The following GSPT1 variants were observed in gnomAD, a reference collection of about 807,000 sequenced individuals.
GSPT1 encodes the protein G1 to S phase transition 1.
Under a neutral mutation model 72.5 loss-of-function variants are expected in GSPT1, and 20 were observed. The observed-to-expected ratio is 0.28, with a 90% CI of 0.19 to 0.40. The LOEUF (loss-of-function observed/expected upper bound fraction) is 0.40. GSPT1 is among the 10% of genes least tolerant of loss of function. GSPT1 has a pLI of 1.00. For missense variants in GSPT1, 580 were observed against 811.9 expected, an observed-to-expected ratio of 0.71 and a Z score of 3.47; for synonymous variants, 334 against 293.5, an observed-to-expected ratio of 1.14 and a Z score of -1.41.
At chr16:11,892,515 A>AC in intron 5 of GSPT1, among the ~76,000 whole-genome samples, 1 of 132,742 alleles carries the variant, frequency 7.5e-6, no homozygotes, top group Non-Finnish European at 1.6e-5. Context: ...TCAAAAAAAC[A>AC]AAAAAAACAA....
chr16:11,908,040 G>A (rs1485120168), intron 1 of GSPT1, among the ~76,000 whole-genome samples: 1 of 151,370 alleles, frequency 6.6e-6, no homozygotes, highest in Non-Finnish European at 1.5e-5. Context: ...TCAGGAGTGC[G>A]AGACCAGCCT....
chr16:11,889,761 C>T (rs2054233696), intron 6 of GSPT1, among the ~76,000 whole-genome samples: 1 of 151,916 alleles, frequency 6.6e-6, no homozygotes, highest in African/African-American at 2.4e-5. Context: ...CTGCCTCGGC[C>T]TCCCAAAGCG....
chr16:11,905,732 G>C (rs2054480662), intron 1 of GSPT1, among the ~76,000 whole-genome samples: 1 of 152,174 alleles, frequency 6.6e-6, no homozygotes, highest in South Asian at 2.1e-4. Context: ...CTACTCAGGA[G>C]GCTGTGGCGG....
chr16:11,875,670 C>G (rs746545093), intron 14 of GSPT1, 91 bp downstream of exon 14: 157 of 847,196 alleles, frequency 1.9e-4, no homozygotes, highest in Non-Finnish European at 2.7e-4. Context: ...TTCTGTGAAC[C>G]TGTTGCAATG....
chr16:11,875,736 T>C (rs1310643964), intron 14 of GSPT1, 25 bp downstream of exon 14: 1 of 1,562,600 alleles, frequency 6.4e-7, no homozygotes, highest in South Asian at 1.1e-5. Flanking sequence ...GATATACTAC[T>C]AGACGTCAGT....
rs1043048043 is a variant in GSPT1, at chr16:11,873,021, A to T, written c.*98T>A. 33 of 680,064 alleles carry T rather than the reference A, an allele frequency of 4.9e-5. No homozygotes were observed. The African/African-American group carries it at 5.2e-4, about 11-fold the overall frequency. The allele number at this position is 680,064 out of a possible 1,614,324, so 42.1% of individuals were successfully genotyped here. On this transcript the variant is annotated 3_prime_UTR_variant, in exon 15 of 15. Coordinates refer to ENST00000434724, the MANE Select transcript of GSPT1 (RefSeq NM_002094.4). ...TTTCCTCTTTGCAAAATATGGGGAG[A>T]GGTTTATCAATGGGCAGAAAATAAG...
chr16:11,915,019 T>A (rs1277922579), intron 1 of GSPT1: 3 of 1,289,898 alleles, frequency 2.3e-6, no homozygotes, highest in Non-Finnish European at 3.0e-6. Flanking sequence ...TCTGTCCTCA[T>A]TCTGCGCCTC....
Position 11,891,142 on chromosome 16 carries a change from G to GA in GSPT1, c.699-4dup. 1 of 1,383,422 alleles carries GA rather than the reference G, an allele frequency of 7.2e-7. No homozygotes were observed. The highest frequency in any genetic ancestry group is 9.8e-7 in the Non-Finnish European group (1 of 1,022,630). The allele number at this position is 1,383,422 out of a possible 1,614,324, so 85.7% of individuals were successfully genotyped here. A position where few individuals can be genotyped will look rare whatever the true frequency, so the allele number is the denominator to read the frequency against. On this transcript the variant is annotated splice_region_variant and splice_polypyrimidine_tract_variant and intron_variant, in intron 5 of 14. Coordinates refer to ENST00000434724, the MANE Select transcript of GSPT1 (RefSeq NM_002094.4). ...TGTCAACCATTCCAGTCAAATACCT[G>GA]AAAACATTTAAAGAAAAAAAAAAGT... is the stretch of plus-strand genomic sequence containing the variant.
At chr16:11,883,215 A>C in intron 10 of GSPT1, 120 bp from the exon 11 acceptor site, 1 of 653,164 alleles carries the variant, frequency 1.5e-6, no homozygotes, top group South Asian at 1.8e-5. Flanking sequence ...CTTAAGTAGA[A>C]GGCTTAGGTT....
In GSPT1 at chr16:11,915,442, C is replaced by A. The variant is rs373939888; in HGVS notation, c.279G>T (p.Pro93=). The stretch of plus-strand genomic sequence containing the variant: ...CGCCAACTGGGGGTGGCGGCGCTGC[C>A]GGGCCCCGCAGGAAGGACGGCACGA... ...AEFVPSFLRG[P]AAPPPPVGGA... is the part of the protein sequence containing the mutation. Residue 93 remains proline, a synonymous_variant, in exon 1 of 15, where the codon CCG becomes CCT. Coordinates refer to ENST00000434724, the MANE Select transcript of GSPT1 (RefSeq NM_002094.4). 4.6e-6 allele frequency: 7 copies of A among 1,530,080 alleles called. No individual in the cohort carries two copies. Among genetic ancestry groups the A allele is most frequent in the Non-Finnish European group, 6.1e-6 (7 of 1,141,880 alleles). The allele number at this position is 1,530,080 out of a possible 1,614,324, so 94.8% of individuals were successfully genotyped here.
chr16:11,916,214 C>T, upstream of GSPT1: 1 of 342,484 alleles, frequency 2.9e-6, no homozygotes, highest in Admixed American at 4.1e-5. Flanking sequence ...CTCCGGCTCC[C>T]GGCAGGCAAC....
At chr16:11,904,662 TA>T (rs989215666) in intron 1 of GSPT1, among the ~76,000 whole-genome samples, 93 of 143,866 alleles carry the variant, frequency 6.5e-4, no homozygotes, top group Admixed American at 4.9e-4. Context: ...TCATGGCAGG[TA>T]AAAAAAAAAA....
rs952564541 is a variant in GSPT1 at position 11,868,576 on chromosome 16, G to A, written c.*4543C>T. ...TTCACCTAATGCATGTGGAGGAAAT[G>A]GAGGTGAGAATAGTCACCTGAAGAG... is the stretch of plus-strand genomic sequence containing the variant. On this transcript the variant is annotated 3_prime_UTR_variant, in exon 15 of 15. Transcript: ENST00000434724. 1 of 152,142 alleles carries A rather than the reference G, an allele frequency of 6.6e-6. No homozygotes were observed. The highest frequency in any genetic ancestry group is 1.5e-5 in the Non-Finnish European group (1 of 68,026). 9.4% of individuals were successfully genotyped at this position (152,142 alleles called of 1,614,324 possible). A position where few individuals can be genotyped will look rare whatever the true frequency, so the allele number is the denominator to read the frequency against.
chr16:11,888,424 C>G (rs1160582386), intron 6 of GSPT1, among the ~76,000 whole-genome samples: 2 of 147,312 alleles, frequency 1.4e-5, no homozygotes, highest in African/African-American at 5.0e-5. Context: ...ATCGTGCCAT[C>G]GCACTCCAGG....
chr16:11,874,698 C>A (rs28279), intron 14 of GSPT1, among the ~76,000 whole-genome samples: 63,276 of 151,798 alleles, frequency 0.42, 13,813 homozygotes, highest in East Asian at 0.77. Flanking sequence ...TGTCTTTATA[C>A]AATTTCATCC....
intron 7 of GSPT1, 90 bp from the exon 8 acceptor site, chr16:11,887,021 GTTTTTT>G (rs34304551): frequency 2.4e-5 from 13 of 546,144 alleles, no homozygotes; most frequent in African/African-American, 1.1e-4. Context: ...TATATCACGA[GTTTTTT>G]TTTTTTTTTT....
At chr16:11,884,763 C>CAAAA (rs35794680) in intron 10 of GSPT1, among the ~76,000 whole-genome samples, 13 of 94,682 alleles carry the variant, frequency 1.4e-4, no homozygotes, top group African/African-American at 4.8e-4. Context: ...GACTCCGTCT[C>CAAAA]AAAAAAAAAA....
rs532508280 is a variant in GSPT1, at chr16:11,907,699, ACT to A, written c.352+7668_352+7669del. Among the ~76,000 whole-genome samples, 31 of 152,056 alleles carry A rather than the reference ACT, an allele frequency of 2.0e-4. 1 individual carries two copies. In the South Asian group the frequency reaches 6.2e-3, roughly 31 times the overall value. ...CATTCTAGACTCAATGGTGTCATTA[ACT>A]CTGTGAGTGACCTTAGGCATTTACT... is the stretch of plus-strand genomic sequence containing the variant. On this transcript the variant is annotated intron_variant, in intron 1 of 14. Transcript: ENST00000434724.
Position 11,868,291 on chromosome 16 carries a change from G to T in GSPT1, c.*4828C>A, listed in dbSNP as rs1387614880. The T allele has an allele frequency of 6.6e-6, 1 of 151,012 alleles. No individual in the cohort carries two copies. Among genetic ancestry groups the T allele is most frequent in the East Asian group, 1.9e-4 (1 of 5,170 alleles). The allele number at this position is 151,012 out of a possible 1,614,324, so 9.4% of individuals were successfully genotyped here. On this transcript the variant is annotated 3_prime_UTR_variant, in exon 15 of 15. Coordinates refer to ENST00000434724, the MANE Select transcript of GSPT1 (RefSeq NM_002094.4). ...AAGAAAAAGCTTTCTTTCCTACCTAGAGCACTCTTCCATGCTTTGGAATTA... is the reference window on the plus strand; with the variant it reads ...AAGAAAAAGCTTTCTTTCCTACCTATAGCACTCTTCCATGCTTTGGAATTA...
Sources: gnomAD v4.1 joint callset for allele counts (sites outside exome capture counted in the v4.1 genomes callset) on GRCh38, gnomAD v4.1.1 for gene constraint, MANE v1.5 for transcripts, NCBI Gene and HGNC (gene_info 2026-07-23, HGNC 2026-07-21) for gene names.